The following AKAP7 variants were observed in gnomAD, a reference collection of about 807,000 sequenced individuals.
The protein encoded by AKAP7 is A kinase (PRKA) anchor protein 7.
AKAP7 carries 39 observed loss-of-function variants against 39.5 expected under a neutral mutation model. The ratio of observed to expected loss-of-function variants is 0.99; its 90% confidence interval spans 0.76 to 1.29. AKAP7 has a LOEUF of 1.29. Ranked by LOEUF, AKAP7 falls within the 50% of genes most tolerant of loss-of-function variation. The pLI is 0.00. For synonymous variants in AKAP7, 140 were observed against 139.1 expected, an observed-to-expected ratio of 1.01 and a Z score of -0.05; for missense variants, 414 against 407.7, an observed-to-expected ratio of 1.02 and a Z score of -0.13.
intron 7 of AKAP7, among the ~76,000 whole-genome samples, chr6:131,235,048 C>G (rs531944074): frequency 1.3e-5 from 2 of 152,128 alleles, no homozygotes; most frequent in South Asian, 4.2e-4. Flanking sequence ...TAATGCTATC[C>G]CTCCCCCACT....
chr6:131,147,762 T>A (rs1801593542), intron 2 of AKAP7, among the ~76,000 whole-genome samples: 1 of 152,260 alleles, frequency 6.6e-6, no homozygotes, highest in Non-Finnish European at 1.5e-5. Flanking sequence ...CCTGTGAGCC[T>A]TGTTCCAGTC....
rs1256195384 is a variant in AKAP7, at chr6:131,135,762, C to G, written c.-2C>G. On this transcript the variant is annotated 5_prime_UTR_variant, in exon 1 of 8. Transcript: ENST00000431975. ...GACGCGCCGCCCGCATGCGCCGCGA[C>G]CATGGAGCGCCCCGAAGCGGGTGAG... 1.1e-4 allele frequency: 131 copies of G among 1,229,254 alleles called. No homozygotes were observed. Among genetic ancestry groups the G allele is most frequent in the Non-Finnish European group, 1.3e-4 (129 of 987,870 alleles). 76.1% of individuals were successfully genotyped at this position (1,229,254 alleles called of 1,614,324 possible). A position where few individuals can be genotyped will look rare whatever the true frequency, so the allele number is the denominator to read the frequency against.
chr6:131,218,902 T>C (rs1261400926), intron 6 of AKAP7, among the ~76,000 whole-genome samples: 1 of 152,236 alleles, frequency 6.6e-6, no homozygotes. Flanking sequence ...TTTTTTCCAC[T>C]ATAAAATGTT....
At chr6:131,199,385 T>G (rs1379602838) in intron 5 of AKAP7, 76 bp from the exon 6 acceptor site, 2 of 953,534 alleles carry the variant, frequency 2.1e-6, no homozygotes, top group East Asian at 2.5e-5. Flanking sequence ...TTGTTTGAAC[T>G]GGTATTTTTT....
chr6:131,231,990 T>C (rs189997396), intron 7 of AKAP7, among the ~76,000 whole-genome samples: 2 of 152,334 alleles, frequency 1.3e-5, no homozygotes, highest in Non-Finnish European at 1.5e-5. Flanking sequence ...TAGACGAAGC[T>C]TTGGGATAAT....
At chr6:131,270,201 C>A (rs1440011679) in intron 7 of AKAP7, among the ~76,000 whole-genome samples, 6 of 152,172 alleles carry the variant, frequency 3.9e-5, no homozygotes, top group Non-Finnish European at 8.8e-5. Flanking sequence ...CCATCACTCT[C>A]CAAAATTCTC....
Position 131,135,641 on chromosome 6 carries a change from G to C in AKAP7, c.-123G>C. 1.2e-6 allele frequency: 1 copy of C among 861,230 alleles called. No individual in the cohort carries two copies. Among genetic ancestry groups the C allele is most frequent in the Non-Finnish European group, 1.4e-6 (1 of 711,750 alleles). 53.3% of individuals were successfully genotyped at this position (861,230 alleles called of 1,614,324 possible). A position where few individuals can be genotyped will look rare whatever the true frequency, so the allele number is the denominator to read the frequency against. ...TCGCTGGACCCCGCGCCGGCCCAGC[G>C]CACCGCCCTCAGGCCCCGAGCCCCG... On this transcript the variant is annotated 5_prime_UTR_variant, in exon 1 of 8. Transcript: ENST00000431975.
At chr6:131,279,300 C>T (rs1403414627) in intron 7 of AKAP7, among the ~76,000 whole-genome samples, 1 of 152,150 alleles carries the variant, frequency 6.6e-6, no homozygotes, top group African/African-American at 2.4e-5. Flanking sequence ...GAGACAGTCT[C>T]ACTCTGTCAC....
rs559758607 is a variant in AKAP7 at position 131,142,830 on chromosome 6, C to T, written c.20-2455C>T. Among the ~76,000 whole-genome samples the T allele has an allele frequency of 1.7e-3, 261 of 152,366 alleles. 1 individual carries two copies. Among genetic ancestry groups the T allele is most frequent in the Non-Finnish European group, 3.2e-3 (217 of 68,040 alleles). ...GCCACAGGGGCTTCACCTTGCAAAT[C>T]CATAGGGACAGAACTGCCTAAGGCT... On this transcript the variant is annotated intron_variant, in intron 1 of 7. Coordinates refer to ENST00000431975, the MANE Select transcript of AKAP7 (RefSeq NM_016377.4).
chr6:131,282,489 A>G lies in AKAP7; in HGVS notation c.*763A>G, dbSNP rs1315396082. 1.3e-6 allele frequency: 2 copies of G among 1,535,686 alleles called. No individual in the cohort carries two copies. The highest frequency in any genetic ancestry group is 2.4e-5 in the East Asian group (1 of 40,886). ...AAGTCCAAAGTGAAACAGATAAAGG[A>G]ACTTTTATTAAAGCCTGAGACTCAG... is the stretch of plus-strand genomic sequence containing the variant. On this transcript the variant is annotated 3_prime_UTR_variant, in exon 8 of 8. Coordinates refer to ENST00000431975, the MANE Select transcript of AKAP7 (RefSeq NM_016377.4).
chr6:131,218,333 C>A (rs958124703), intron 6 of AKAP7, among the ~76,000 whole-genome samples: 4 of 152,124 alleles, frequency 2.6e-5, no homozygotes, highest in Admixed American at 6.5e-5. Flanking sequence ...TTTGGCACAT[C>A]TGTATATTAT....
chr6:131,239,865 G>T (rs1389402605), intron 7 of AKAP7, among the ~76,000 whole-genome samples: 1 of 152,120 alleles, frequency 6.6e-6, no homozygotes, highest in Non-Finnish European at 1.5e-5. Context: ...TCCTCCTTTA[G>T]CTTGGAGTAG....
the AKAP7 span, among the ~76,000 whole-genome samples, chr6:131,129,073 G>C: frequency 1.3e-5 from 2 of 152,050 alleles, no homozygotes; most frequent in Non-Finnish European, 2.9e-5. Context: ...GATCACTTGA[G>C]GTCAGGAGTT....
At chr6:131,184,314 G>GT in intron 5 of AKAP7, 1 of 615,514 alleles carries the variant, frequency 1.6e-6, no homozygotes, top group Non-Finnish European at 3.2e-6. Flanking sequence ...GGGAGCAGGG[G>GT]GGTGGCTATA....
chr6:131,127,357 A>G, the AKAP7 span, among the ~76,000 whole-genome samples: 1 of 152,202 alleles, frequency 6.6e-6, no homozygotes, highest in Admixed American at 6.5e-5. Context: ...GTCCTTGACC[A>G]TAGGTTGTAT....
chr6:131,174,021 G>T (rs1281610651), intron 5 of AKAP7, among the ~76,000 whole-genome samples: 3 of 152,166 alleles, frequency 2.0e-5, no homozygotes, highest in South Asian at 2.1e-4. Flanking sequence ...TGTTGTTACT[G>T]CTCCTGTAAT....
chr6:131,232,474 T>A (rs1302794366), intron 7 of AKAP7, among the ~76,000 whole-genome samples: 1 of 152,180 alleles, frequency 6.6e-6, no homozygotes, highest in Non-Finnish European at 1.5e-5. Context: ...TTCACCACAT[T>A]AATCGATGTT....
At chr6:131,148,192 A>G (rs910541360) in intron 2 of AKAP7, among the ~76,000 whole-genome samples, 1 of 152,236 alleles carries the variant, frequency 6.6e-6, no homozygotes, top group African/African-American at 2.4e-5. Context: ...TTATCTATGT[A>G]TACTAGGGGC....
At chr6:131,209,406 A>G (rs1490884987) in intron 6 of AKAP7, among the ~76,000 whole-genome samples, 1 of 152,030 alleles carries the variant, frequency 6.6e-6, no homozygotes. Flanking sequence ...GCCCGCCACC[A>G]TGCCCGGCTA....
Sources: gnomAD v4.1 joint callset for allele counts (sites outside exome capture counted in the v4.1 genomes callset) on GRCh38, gnomAD v4.1.1 for gene constraint, MANE v1.5 for transcripts, NCBI Gene and HGNC (gene_info 2026-07-23, HGNC 2026-07-21) for gene names.